The following LAMA4 variants were observed in gnomAD, a reference collection of about 807,000 sequenced individuals.
LAMA4 encodes the protein laminin subunit alpha 4, also known as laminin subunit alpha-4.
Under a neutral mutation model 207.1 loss-of-function variants are expected in LAMA4, and 127 were observed. The observed-to-expected ratio is 0.61, with a 90% CI of 0.53 to 0.71. The LOEUF (loss-of-function observed/expected upper bound fraction) is 0.71. Among genes scored for constraint, LAMA4 ranks in the 30% least tolerant of loss-of-function variants. The pLI is 0.00. For synonymous variants in LAMA4, 761 were observed against 816.0 expected (o/e 0.93, Z 1.15); for missense variants, 2,093 against 2,246.5 (o/e 0.93, Z 1.38).
intron 9 of LAMA4, chr6:112,179,250 T>TG (rs1554344688): frequency 1.3e-5 from 2 of 152,176 alleles, no homozygotes. Context: ...AGAAAGGGTT[T>TG]GTGTGGGCGT....
intron 16 of LAMA4, chr6:112,154,632 T>C (rs1780593224): frequency 3.5e-6 from 2 of 578,624 alleles, no homozygotes; most frequent in Non-Finnish European, 6.2e-6. Flanking sequence ...TAGCTATGTG[T>C]TTCCATGTAG....
At chr6:112,198,481 C>T (rs1364229694) in intron 5 of LAMA4, among the ~76,000 whole-genome samples, 1 of 152,082 alleles carries the variant, frequency 6.6e-6, no homozygotes, top group Non-Finnish European at 1.5e-5. Flanking sequence ...CTTGGCTGTT[C>T]AAGCAGAAAC....
rs782803177 is a variant in LAMA4 at position 112,109,427 on chromosome 6, C to T, written c.*10G>A. On this transcript the variant is annotated 3_prime_UTR_variant, in exon 39 of 39. Transcript: ENST00000230538. ...AGAACTTTGTATTTGGGCAGCTGTGCTCTGTCATGTCAGGCTGCTGGACAG... is the reference window on the plus strand; with the variant it reads ...AGAACTTTGTATTTGGGCAGCTGTGTTCTGTCATGTCAGGCTGCTGGACAG... The T allele has an allele frequency of 2.2e-5, 35 of 1,613,578 alleles. No homozygotes were observed. Among genetic ancestry groups the T allele is most frequent in the Non-Finnish European group, 2.9e-5 (34 of 1,179,966 alleles).
At chr6:112,249,570 T>A (rs1168090231) in intron 2 of LAMA4, among the ~76,000 whole-genome samples, 1 of 150,832 alleles carries the variant, frequency 6.6e-6, no homozygotes, top group Non-Finnish European at 1.5e-5. Flanking sequence ...TTTTATAAAC[T>A]CCTTCCTAGC....
chr6:112,199,857 C>T (rs1174155050), intron 5 of LAMA4, among the ~76,000 whole-genome samples: 3 of 148,600 alleles, frequency 2.0e-5, no homozygotes, highest in Non-Finnish European at 4.4e-5. Context: ...TTAAAGTTTA[C>T]ATTTTAAGCC....
In LAMA4 at chr6:112,142,192, A is replaced by G. The variant is rs781814374; in HGVS notation, c.2594T>C (p.Met865Thr). Reference sequence around the variant, plus strand: ...TTCCGGCCGCTTCACAGGGGGTTTCATGTACAGGCTCAGAGACGTGAAGGC... The same window carrying G: ...TTCCGGCCGCTTCACAGGGGGTTTCGTGTACAGGCTCAGAGACGTGAAGGC... Reference protein sequence around the residue: ...LKAFTSLSLYMKPPVKRPELT... With the variant: ...LKAFTSLSLYTKPPVKRPELT... The change falls in exon 20 of 39, where the codon ATG becomes ACG. Residue 865 changes from methionine (M) to threonine (T), a missense_variant. Transcript: ENST00000230538. 2 of 1,614,132 alleles carry G rather than the reference A, an allele frequency of 1.2e-6. No homozygotes were observed.
rs587773850 is a variant in LAMA4 at position 112,114,252 on chromosome 6, C to T, written c.5207-57G>A. 7 of 1,554,506 alleles carry T rather than the reference C, an allele frequency of 4.5e-6. No homozygotes were observed. The East Asian group carries it at 1.3e-4, about 30-fold the overall frequency. ...GGCACTGGAGTGATGAATTTTTAAC[C>T]TGAGAAAGACTATTTATCACAGCAA... On this transcript the variant is annotated intron_variant, in intron 37 of 38. Coordinates refer to ENST00000230538, the MANE Select transcript of LAMA4 (RefSeq NM_001105206.3).
chr6:112,124,182 T>TAG (rs1219361341), intron 31 of LAMA4, among the ~76,000 whole-genome samples: 2 of 152,120 alleles, frequency 1.3e-5, no homozygotes, highest in East Asian at 1.9e-4. Flanking sequence ...AGAGTGAGGG[T>TAG]AGAGGACTTT....
chr6:112,173,929 A>G (rs1781868186), intron 11 of LAMA4, among the ~76,000 whole-genome samples: 1 of 152,216 alleles, frequency 6.6e-6, no homozygotes, highest in Non-Finnish European at 1.5e-5. Context: ...ATATTTAAAA[A>G]CCAAATGTAA....
At chr6:112,135,878 T>C in intron 25 of LAMA4, 1 of 432,454 alleles carries the variant, frequency 2.3e-6, no homozygotes, top group Non-Finnish European at 4.3e-6. Flanking sequence ...TCTGGTTAAT[T>C]AAGCAATTAA....
intron 14 of LAMA4, among the ~76,000 whole-genome samples, chr6:112,156,081 T>A (rs3798362): frequency 0.017 from 2,582 of 152,278 alleles, 65 homozygotes; most frequent in East Asian, 0.076. Context: ...TTCCTTTCTG[T>A]AGAGGAAGCC....
At chr6:112,167,948 C>T (rs1554340552) in intron 12 of LAMA4, among the ~76,000 whole-genome samples, 1 of 151,848 alleles carries the variant, frequency 6.6e-6, no homozygotes, top group Non-Finnish European at 1.5e-5. Context: ...TGGCTCACGC[C>T]TGTAATCCCA....
At chr6:112,165,603 A>T (rs1301249119) in intron 12 of LAMA4, among the ~76,000 whole-genome samples, 1 of 152,220 alleles carries the variant, frequency 6.6e-6, no homozygotes, top group African/African-American at 2.4e-5. Flanking sequence ...TGGAGAAAGG[A>T]TTGAACACAG....
chr6:112,235,016 A>G (rs1205916502), intron 2 of LAMA4, among the ~76,000 whole-genome samples: 1 of 152,202 alleles, frequency 6.6e-6, no homozygotes, highest in African/African-American at 2.4e-5. Context: ...TATTATTCTC[A>G]CCATACTGAG....
chr6:112,186,686 C>G (rs1782701540), intron 8 of LAMA4: 3 of 426,848 alleles, frequency 7.0e-6, no homozygotes, highest in Middle Eastern at 7.8e-4. Context: ...ACTTATAATA[C>G]TAACACAATG....
intron 12 of LAMA4, among the ~76,000 whole-genome samples, chr6:112,171,099 C>T (rs781868402): frequency 5.3e-5 from 8 of 152,124 alleles, no homozygotes; most frequent in African/African-American, 1.4e-4. Context: ...GAGAATTGTA[C>T]GTTGCAACCT....
chr6:112,253,760 C>T (rs141700664), intron 2 of LAMA4, 196 bp downstream of exon 2: 2 of 1,613,968 alleles, frequency 1.2e-6, no homozygotes, highest in Non-Finnish European at 1.7e-6. Context: ...GAAGCCTCAA[C>T]TTTCAACTCT....
rs1554322536 is a variant in LAMA4 at position 112,114,215 on chromosome 6, C to T, written c.5207-20G>A. On this transcript the variant is annotated intron_variant, in intron 37 of 38. Transcript: ENST00000230538. ...TAATAACTGAAATGCAGGGCAAAGA[C>T]TGGTCATAAGTGGCACTGGAGTGAT... The T allele has an allele frequency of 2.5e-6, 4 of 1,612,116 alleles. No homozygotes were observed. The highest frequency in any genetic ancestry group is 1.1e-5 in the South Asian group (1 of 91,014).
chr6:112,184,530 C>T (rs1554346117), intron 9 of LAMA4, among the ~76,000 whole-genome samples: 1 of 151,986 alleles, frequency 6.6e-6, no homozygotes, highest in Non-Finnish European at 1.5e-5. Flanking sequence ...TTGTATTTTT[C>T]TCAATATTTT....
Sources: gnomAD v4.1 joint callset for allele counts (sites outside exome capture counted in the v4.1 genomes callset) on GRCh38, gnomAD v4.1.1 for gene constraint, MANE v1.5 for transcripts, NCBI Gene and HGNC (gene_info 2026-07-23, HGNC 2026-07-21) for gene names.